Variants in RBFOX1 observed in about 807,000 individuals in gnomAD.
RBFOX1 encodes the protein RNA binding protein fox-1 homolog 1.
In RBFOX1, 8 loss-of-function variants were observed where a neutral mutation model predicts 57.7. The observed-to-expected ratio is 0.14, with a 90% CI of 0.08 to 0.25. The LOEUF (loss-of-function observed/expected upper bound fraction) is 0.25, where lower values mean the gene tolerates loss of function less well. Ranked by LOEUF, RBFOX1 falls within the 10% of genes least tolerant of loss-of-function variation. RBFOX1 has a pLI of 1.00. For missense variants in RBFOX1, 611 were observed against 548.5 expected (o/e 1.11, Z -1.14); for synonymous variants, 326 against 222.4 (o/e 1.47, Z -4.15).
intron 3 of RBFOX1, among the ~76,000 whole-genome samples, chr16:6,920,021 C>T (rs769626491): frequency 2.5e-4 from 38 of 152,096 alleles, no homozygotes; most frequent in Admixed American, 3.9e-4. Flanking sequence ...CCTTATAAGA[C>T]GGAAAATATG....
rs145108535 is a variant in RBFOX1 at position 7,186,015 on chromosome 16, C to A, written c.27+133917C>A. On this transcript the variant is annotated intron_variant, in intron 4 of 15. Coordinates refer to ENST00000550418, the MANE Select transcript of RBFOX1 (RefSeq NM_018723.4). ...CGCACTTTAGTATAGATCAAAGGCA[C>A]ACAGACAGGTTCAGCGATATTTGCT... Among the ~76,000 whole-genome samples, 398 of 152,186 alleles carry A rather than the reference C, an allele frequency of 2.6e-3. 1 individual carries two copies. Among genetic ancestry groups the A allele is most frequent in the African/African-American group, 9.0e-3 (373 of 41,520 alleles).
At chr16:6,454,519 C>G (rs920430269) in intron 2 of RBFOX1, among the ~76,000 whole-genome samples, 2 of 152,130 alleles carry the variant, frequency 1.3e-5, no homozygotes, top group Admixed American at 1.3e-4. Context: ...GATTGCTCCA[C>G]TGCACTGTAA....
intron 11 of RBFOX1, among the ~76,000 whole-genome samples, chr16:7,642,522 C>G (rs2063007858): frequency 6.6e-6 from 1 of 152,050 alleles, no homozygotes; most frequent in African/African-American, 2.4e-5. Flanking sequence ...GAAATCCAGC[C>G]CAGCATAAGG....
intron 4 of RBFOX1, among the ~76,000 whole-genome samples, chr16:7,193,731 G>C (rs2085999747): frequency 6.6e-6 from 1 of 152,214 alleles, no homozygotes; most frequent in African/African-American, 2.4e-5. Flanking sequence ...CAGAGCCCAT[G>C]CTCTGCACCA....
intron 3 of RBFOX1, among the ~76,000 whole-genome samples, chr16:6,848,998 G>A (rs1046292487): frequency 6.6e-6 from 1 of 152,172 alleles, no homozygotes; most frequent in Non-Finnish European, 1.5e-5. Flanking sequence ...TGATTCCAAA[G>A]CACGTTTAGG....
In RBFOX1 at chr16:7,705,815, T is replaced by C. The variant is rs369690620; in HGVS notation, c.996-3241T>C. ...TTGATGAACTAGTGGCATATATTAG[T>C]GTAGTCATCATGTGCATGGAGTAAA... On this transcript the variant is annotated intron_variant, in intron 14 of 15. Coordinates refer to ENST00000550418, the MANE Select transcript of RBFOX1 (RefSeq NM_018723.4). Among the ~76,000 whole-genome samples, 15 of 152,128 alleles carry C rather than the reference T, an allele frequency of 9.9e-5. 1 individual carries two copies. Among genetic ancestry groups the C allele is most frequent in the Admixed American group, 5.9e-4 (9 of 15,268 alleles).
At chr16:5,261,162 A>G (rs949622573) in intron 1 of RBFOX1, 2 of 152,228 alleles carry the variant, frequency 1.3e-5, no homozygotes, top group African/African-American at 2.4e-5. Flanking sequence ...TAGCACGTCT[A>G]CTTCCTACAG....
At chr16:5,504,981 A>G (rs1445425489) in intron 2 of RBFOX1, among the ~76,000 whole-genome samples, 2 of 152,156 alleles carry the variant, frequency 1.3e-5, no homozygotes, top group Non-Finnish European at 2.9e-5. Flanking sequence ...TTGGGAGGTG[A>G]GAGCTGAAGG....
At chr16:6,859,467 C>G (rs1294867958) in intron 3 of RBFOX1, among the ~76,000 whole-genome samples, 3 of 151,932 alleles carry the variant, frequency 2.0e-5, no homozygotes, top group African/African-American at 7.3e-5. Context: ...AGCAGAAGAA[C>G]AGTTGCTCAC....
Position 7,546,311 on chromosome 16 carries a change from G to A in RBFOX1, c.270+27922G>A, listed in dbSNP as rs1006043255. Among the ~76,000 whole-genome samples the A allele has an allele frequency of 1.5e-4, 22 of 148,886 alleles. No homozygotes were observed. The East Asian group carries it at 4.3e-3, about 29-fold the overall frequency. On this transcript the variant is annotated intron_variant, in intron 5 of 15. Transcript: ENST00000550418. Reference sequence around the variant, plus strand: ...CACTGCACTCTAGCCTGGGCAAAAGGGTAAAACTCCACCTCAAAAAATAAA... The same window carrying A: ...CACTGCACTCTAGCCTGGGCAAAAGAGTAAAACTCCACCTCAAAAAATAAA...
At chr16:6,544,959 G>C (rs979788775) in intron 2 of RBFOX1, among the ~76,000 whole-genome samples, 2 of 152,170 alleles carry the variant, frequency 1.3e-5, no homozygotes, top group Admixed American at 6.5e-5. Context: ...ATTAGGCAAA[G>C]GGTGATTAAG....
intron 2 of RBFOX1, among the ~76,000 whole-genome samples, chr16:6,501,304 C>G (rs1239656056): frequency 3.2e-4 from 37 of 116,340 alleles, no homozygotes; most frequent in African/African-American, 1.1e-3. Flanking sequence ...CCCCACCCCA[C>G]AACAGTCCCC....
At chr16:6,054,834 G>C (rs928877068) in intron 1 of RBFOX1, among the ~76,000 whole-genome samples, 5 of 152,028 alleles carry the variant, frequency 3.3e-5, no homozygotes, top group Non-Finnish European at 7.4e-5. Flanking sequence ...CTGGGCTGGA[G>C]TGCAGTGACA....
intron 4 of RBFOX1, among the ~76,000 whole-genome samples, chr16:7,201,006 C>T (rs895728141): frequency 6.6e-6 from 1 of 152,134 alleles, no homozygotes; most frequent in Non-Finnish European, 1.5e-5. Context: ...TTTGTTTAAG[C>T]CACCATTATT....
chr16:5,867,591 A>G (rs1457443281), intron 4 of RBFOX1, among the ~76,000 whole-genome samples: 1 of 152,218 alleles, frequency 6.6e-6, no homozygotes, highest in Non-Finnish European at 1.5e-5. Flanking sequence ...CAGATACATC[A>G]TAATTCTAGC....
chr16:5,574,156 A>C (rs931362827), intron 2 of RBFOX1, among the ~76,000 whole-genome samples: 1 of 152,310 alleles, frequency 6.6e-6, no homozygotes, highest in South Asian at 2.1e-4. Context: ...TTTTATGCCT[A>C]TGCGGATCTA....
chr16:5,562,926 A>G (rs1462598100), intron 2 of RBFOX1, among the ~76,000 whole-genome samples: 1 of 152,108 alleles, frequency 6.6e-6, no homozygotes, highest in Non-Finnish European at 1.5e-5. Flanking sequence ...AGGTCTTGGA[A>G]TCCCAAACTA....
chr16:7,169,945 C>G (rs557482279), intron 4 of RBFOX1, among the ~76,000 whole-genome samples: 2 of 152,016 alleles, frequency 1.3e-5, no homozygotes, highest in Admixed American at 6.6e-5. Flanking sequence ...TGGTGACACA[C>G]GCCTGTGGTC....
chr16:7,644,917 TAGAGCCTGGACAAAGG>T (rs1022162833), intron 11 of RBFOX1, among the ~76,000 whole-genome samples: 15 of 152,246 alleles, frequency 9.9e-5, no homozygotes, highest in Admixed American at 7.8e-4. Context: ...AGTTCACTGT[TAGAGCCTGGACAAAGG>T]AGAGAGAATC....
Sources: gnomAD v4.1 joint callset for allele counts (sites outside exome capture counted in the v4.1 genomes callset) on GRCh38, gnomAD v4.1.1 for gene constraint, MANE v1.5 for transcripts, NCBI Gene and HGNC (gene_info 2026-07-23, HGNC 2026-07-21) for gene names.